Variants in SCAPER observed in about 807,000 individuals in gnomAD.
SCAPER encodes the protein S-phase cyclin A associated protein in the ER.
In SCAPER, 98 loss-of-function variants were observed where a neutral mutation model predicts 182.2. That is an observed-to-expected ratio of 0.54 (90% CI 0.46 to 0.64). SCAPER has a LOEUF of 0.64. Among genes scored for constraint, SCAPER ranks in the 30% least tolerant of loss-of-function variants. SCAPER has a pLI of 0.00. For synonymous variants in SCAPER, 605 were observed against 564.6 expected (o/e 1.07, Z -1.01); for missense variants, 1,432 against 1,690.0 (o/e 0.85, Z 2.68).
chr15:76,462,548 GA>G (rs1487899763), intron 25 of SCAPER, among the ~76,000 whole-genome samples: 1 of 152,078 alleles, frequency 6.6e-6, no homozygotes, highest in East Asian at 1.9e-4. Flanking sequence ...TTGTTTTACT[GA>G]AACCTTTTAC....
chr15:76,379,354 G>C (rs1201205990), intron 28 of SCAPER, among the ~76,000 whole-genome samples: 2 of 152,138 alleles, frequency 1.3e-5, no homozygotes, highest in African/African-American at 4.8e-5. Flanking sequence ...ATGAGAAGAA[G>C]GAAGAAAAGG....
chr15:76,541,134 A>C (rs895170066), intron 23 of SCAPER, among the ~76,000 whole-genome samples: 1 of 152,126 alleles, frequency 6.6e-6, no homozygotes, highest in African/African-American at 2.4e-5. Flanking sequence ...AAAGAAAAAA[A>C]AAACCATGTT....
intron 15 of SCAPER, among the ~76,000 whole-genome samples, chr15:76,738,044 G>T (rs2061363950): frequency 6.6e-6 from 1 of 152,156 alleles, no homozygotes; most frequent in African/African-American, 2.4e-5. Flanking sequence ...TATGTTTACT[G>T]AAGTAACACA....
intron 22 of SCAPER, among the ~76,000 whole-genome samples, chr15:76,610,759 T>G (rs557609472): frequency 6.6e-6 from 1 of 152,216 alleles, no homozygotes; most frequent in South Asian, 2.1e-4. Context: ...TATAAAACAC[T>G]GATTAAGGAA....
At chr15:76,494,068 T>C (rs1047591438) in intron 24 of SCAPER, among the ~76,000 whole-genome samples, 3 of 152,340 alleles carry the variant, frequency 2.0e-5, no homozygotes, top group South Asian at 4.1e-4. Flanking sequence ...GTATAAATTT[T>C]ACCCTAACTG....
At chr15:76,459,976 C>T (rs2049032321) in intron 25 of SCAPER, among the ~76,000 whole-genome samples, 1 of 152,084 alleles carries the variant, frequency 6.6e-6, no homozygotes, top group East Asian at 1.9e-4. Flanking sequence ...AATCAGTTGG[C>T]TGCAAATAAG....
intron 17 of SCAPER, among the ~76,000 whole-genome samples, chr15:76,725,626 A>G (rs2060538263): frequency 6.6e-6 from 1 of 152,148 alleles, no homozygotes; most frequent in Admixed American, 6.6e-5. Context: ...AACAGTATGG[A>G]CTACCATAAA....
Position 76,468,484 on chromosome 15 carries a change from A to G in SCAPER, c.3078+2728T>C, listed in dbSNP as rs1395640290. On this transcript the variant is annotated intron_variant, in intron 25 of 31. Transcript: ENST00000563290. Reference sequence around the variant, plus strand: ...TTAGGTTACAACGAAGGTTATTCAAAGGGAACTAGGGCTTTATTATTCAAA... The same window carrying G: ...TTAGGTTACAACGAAGGTTATTCAAGGGGAACTAGGGCTTTATTATTCAAA... 2.6e-5 allele frequency among the ~76,000 whole-genome samples: 4 copies of G among 152,130 alleles called. No homozygotes were observed. The East Asian group carries it at 7.7e-4, about 29-fold the overall frequency.
chr15:76,695,905 A>G (rs1170367524), intron 20 of SCAPER, among the ~76,000 whole-genome samples: 3 of 152,238 alleles, frequency 2.0e-5, no homozygotes, highest in African/African-American at 7.2e-5. Context: ...ATGCCTTAAA[A>G]GAAAGTGTAA....
chr15:76,864,501 C>G (rs1410782723), intron 2 of SCAPER, among the ~76,000 whole-genome samples: 3 of 152,130 alleles, frequency 2.0e-5, no homozygotes, highest in African/African-American at 7.2e-5. Context: ...TACTATTTGC[C>G]TTCCAGTTTG....
At chr15:76,874,075 G>C (rs924732751) in intron 2 of SCAPER, among the ~76,000 whole-genome samples, 1 of 151,970 alleles carries the variant, frequency 6.6e-6, no homozygotes, top group African/African-American at 2.4e-5. Context: ...TGTATTTTTA[G>C]TAGAGACAGC....
intron 29 of SCAPER, among the ~76,000 whole-genome samples, chr15:76,356,036 C>T (rs776620998): frequency 1.3e-5 from 2 of 152,138 alleles, no homozygotes; most frequent in Non-Finnish European, 2.9e-5. Context: ...GAGTCTACTA[C>T]GACTGATGAG....
At chr15:76,667,658 A>C (rs1042996155) in intron 20 of SCAPER, among the ~76,000 whole-genome samples, 1 of 129,206 alleles carries the variant, frequency 7.7e-6, no homozygotes, top group African/African-American at 2.9e-5. Flanking sequence ...AAAAAAAAAA[A>C]AAAACGCTCC....
chr15:76,729,242 C>T (rs2060765897), intron 16 of SCAPER, among the ~76,000 whole-genome samples: 1 of 149,886 alleles, frequency 6.7e-6, no homozygotes, highest in African/African-American at 2.5e-5. Flanking sequence ...TTAATAAACT[C>T]ATATATATAT....
intron 21 of SCAPER, among the ~76,000 whole-genome samples, chr15:76,622,815 GAT>G: frequency 6.6e-6 from 1 of 152,216 alleles, no homozygotes; most frequent in Middle Eastern, 3.4e-3. Flanking sequence ...TTATCCCTAT[GAT>G]ATAATTTAGA....
intron 24 of SCAPER, among the ~76,000 whole-genome samples, chr15:76,483,718 T>C (rs1193961095): frequency 6.6e-6 from 1 of 152,108 alleles, no homozygotes; most frequent in East Asian, 1.9e-4. Flanking sequence ...AAAGACACAG[T>C]ATACAGATTG....
intron 20 of SCAPER, among the ~76,000 whole-genome samples, chr15:76,673,173 T>C (rs953789093): frequency 6.6e-6 from 1 of 152,062 alleles, no homozygotes; most frequent in African/African-American, 2.4e-5. Context: ...CTAGAGAATA[T>C]TATTATCACA....
At chr15:76,740,858 A>T (rs562341705) in intron 15 of SCAPER, among the ~76,000 whole-genome samples, 1 of 152,296 alleles carries the variant, frequency 6.6e-6, no homozygotes, top group Non-Finnish European at 1.5e-5. Context: ...AACTTTAACA[A>T]GAGAAAAATA....
intron 27 of SCAPER, among the ~76,000 whole-genome samples, chr15:76,389,500 CAAAAAAAAAAAAAAAA>C (rs71143320): frequency 7.1e-5 from 2 of 28,058 alleles, no homozygotes; most frequent in African/African-American, 3.4e-4. Flanking sequence ...GACTCCGTCT[CAAAAAAAAAAAAAAAA>C]AAAAAAAAAA....
Sources: gnomAD v4.1 joint callset for allele counts (sites outside exome capture counted in the v4.1 genomes callset) on GRCh38, gnomAD v4.1.1 for gene constraint, MANE v1.5 for transcripts, NCBI Gene and HGNC (gene_info 2026-07-23, HGNC 2026-07-21) for gene names.